Variants in LAMA5 observed in about 807,000 individuals in gnomAD.
The protein encoded by LAMA5 is laminin subunit alpha 5.
LAMA5 carries 260 observed loss-of-function variants against 433.4 expected under a neutral mutation model. That is an observed-to-expected ratio of 0.60 (90% CI 0.54 to 0.66). The LOEUF is 0.66. Among genes scored for constraint, LAMA5 ranks in the 30% least tolerant of loss-of-function variants. LAMA5 has a pLI of 0.00. For synonymous variants in LAMA5, 2,620 were observed against 2,226.6 expected (o/e 1.18, Z -4.97); for missense variants, 5,378 against 5,258.5 (o/e 1.02, Z -0.70).
rs139651789 is a variant in LAMA5, at chr20:62,311,465, G to A, written c.9878C>T (p.Ala3293Val). The A allele has an allele frequency of 6.7e-5, 107 of 1,607,744 alleles. No homozygotes were observed. The African/African-American group carries it at 1.3e-3, about 20-fold the overall frequency. Residue 3293 changes from alanine (A) to valine (V), a missense_variant, in exon 72 of 80, where the codon GCA (alanine) becomes GTA (valine). Ala to Val is a moderately conservative substitution (Grantham distance 64). Transcript: ENST00000252999. ...CGGGGTCTGGGCTTGCAGGGCGGGT[G>A]CACAGCCCGTGCTCACATTGACGCT... ...LGSVNVSTGC[A>V]PALQAQTPGL...
In LAMA5 at chr20:62,312,416, C is replaced by T; in HGVS notation, c.9344G>A (p.Cys3115Tyr). The change falls in exon 68 of 80, where the codon TGC (cysteine) becomes TAC (tyrosine). Residue 3115 changes from cysteine (C) to tyrosine (Y), a missense_variant. Cys to Tyr is a radical substitution (Grantham distance 194, BLOSUM62 -2). Transcript: ENST00000252999. ...GCTGCTCACCAGCAGGTCGGCGGTG[C>T]AGCCGGCGCTCACGCCTGTCGTGTT... Reference protein sequence around the residue: ...RLNTTGVSAGCTADLLVGRAM... With the variant: ...RLNTTGVSAGYTADLLVGRAM... 6.3e-7 allele frequency: 1 copy of T among 1,597,876 alleles called. No individual in the cohort carries two copies. Among genetic ancestry groups the T allele is most frequent in the Non-Finnish European group, 8.5e-7 (1 of 1,179,340 alleles).
At chr20:62,351,536 A>C (rs1490506164) in intron 6 of LAMA5, among the ~76,000 whole-genome samples, 168 bp downstream of exon 6, 1 of 143,466 alleles carries the variant, frequency 7.0e-6, no homozygotes. Flanking sequence ...ACAGATGAGG[A>C]AACTGAGGCA....
intron 2 of LAMA5, among the ~76,000 whole-genome samples, chr20:62,355,101 C>T (rs1189678550): frequency 1.3e-5 from 2 of 152,176 alleles, no homozygotes; most frequent in Non-Finnish European, 2.9e-5. Context: ...TCTTTGTGGG[C>T]GGCAGTGGGG....
At position 62,312,986 on chromosome 20, in the gene LAMA5, G is replaced by A; in HGVS notation, c.8980C>T (p.Gln2994Ter). Residue 2994 changes from glutamine (Q) to a stop codon, truncating the protein, a stop_gained, in exon 66 of 80, where the codon CAA becomes TAA. Transcript: ENST00000252999. LOFTEE classifies it high-confidence loss of function. ...QQSQFLCLAVQEGSLVLLYDF... is the reference protein window; with the variant it reads ...QQSQFLCLAV ...TACAACAGCACGAGGCTGCCTTCTT[G>A]CACGGCCAAGCACAGGAACTGGCTC... 2 of 1,579,328 alleles carry A rather than the reference G, an allele frequency of 1.3e-6. No individual in the cohort carries two copies. Among genetic ancestry groups the A allele is most frequent in the Non-Finnish European group, 1.7e-6 (2 of 1,160,510 alleles).
chr20:62,328,632 A>G (rs111326624), intron 34 of LAMA5, among the ~76,000 whole-genome samples, 187 bp from the exon 35 acceptor site: 15 of 148,972 alleles, frequency 1.0e-4, no homozygotes, highest in Middle Eastern at 3.2e-3. Context: ...AATCAACATC[A>G]TCGTCAGAGA....
chr20:62,310,206 TAGG>T lies in LAMA5; in HGVS notation c.10703_10705del (p.Pro3568_Tyr3569delinsHis). On this transcript the variant is annotated inframe_deletion, in exon 77 of 80. Transcript: ENST00000252999. ...CTTCTCGGTCACCTGCAACTGCAAG[TAGG>T]GGGGCGTCCGGGCCTGGCCCAAGTG... is the stretch of plus-strand genomic sequence containing the variant. The T allele has an allele frequency of 1.2e-6, 2 of 1,612,490 alleles. No homozygotes were observed. The highest frequency in any genetic ancestry group is 1.7e-6 in the Non-Finnish European group (2 of 1,179,916).
rs1984467205 is a variant in LAMA5, at chr20:62,352,318, A to T, written c.611T>A (p.Leu204Gln). Residue 204 changes from leucine to glutamine, a missense_variant, in exon 4 of 80, where the codon CTG (leucine) becomes CAG (glutamine). Transcript: ENST00000252999. ...CGCGTCGTCCCGTGTGATGCGCTCC[A>T]GCGTCTGTGGCCCGAACCGCTCCAG... ...DCLERFGPQT[L>Q]ERITRDDAAI... The T allele has an allele frequency of 2.5e-6, 4 of 1,599,840 alleles. No homozygotes were observed. The East Asian group carries it at 8.9e-5, about 36-fold the overall frequency.
chr20:62,337,678 C>T lies in LAMA5; in HGVS notation c.2076G>A (p.Arg692=), dbSNP rs1981904704. ...GGGGCCGGCAGCTGCACTGCCCACT[C>T]CGGGGGTCACAGGCTGCGTGCAGGG... is the stretch of plus-strand genomic sequence containing the variant. The part of the protein sequence containing the change: ...EGSLHAACDP[R]SGQCSCRPRV... The change falls in exon 16 of 80, where the codon CGG becomes CGA. Residue 692 remains arginine, a synonymous_variant. Coordinates refer to ENST00000252999, the MANE Select transcript of LAMA5 (RefSeq NM_005560.6). 2 of 1,612,006 alleles carry T rather than the reference C, an allele frequency of 1.2e-6. No individual in the cohort carries two copies. Among genetic ancestry groups the T allele is most frequent in the Non-Finnish European group, 8.5e-7 (1 of 1,179,558 alleles).
chr20:62,349,217 G>C (rs1388086852), intron 6 of LAMA5, among the ~76,000 whole-genome samples: 2 of 135,712 alleles, frequency 1.5e-5, no homozygotes, highest in African/African-American at 5.4e-5. Context: ...CTTGCAGTGA[G>C]CCGAGATCGT....
intron 6 of LAMA5, among the ~76,000 whole-genome samples, chr20:62,350,054 C>T (rs1365645798): frequency 6.6e-6 from 1 of 151,652 alleles, no homozygotes; most frequent in African/African-American, 2.4e-5. Flanking sequence ...GGCTGTGGTT[C>T]CATGAAAGAT....
Position 62,329,958 on chromosome 20 carries a change from C to T in LAMA5, c.3980-42G>A, listed in dbSNP as rs200011971. 1.8e-4 allele frequency: 285 copies of T among 1,597,310 alleles called. 2 individuals are homozygous for T. In the East Asian group the frequency reaches 2.0e-3, roughly 11 times the overall value. ...GGCAGGGTCAGGCCCCCATCTCTAG[C>T]GCCCCCAAGACACCCAGAGGGTTGA... is the stretch of plus-strand genomic sequence containing the variant. On this transcript the variant is annotated intron_variant, in intron 31 of 79. Coordinates refer to ENST00000252999, the MANE Select transcript of LAMA5 (RefSeq NM_005560.6).
Position 62,359,314 on chromosome 20 carries a change from A to G in LAMA5, c.450+3086T>C, listed in dbSNP as rs1043431744. Reference sequence around the variant, plus strand: ...ACACAGGCCAGAGCCAGCCCCACTCACCCTGCCCAGCTCCTTACAACCTGG... The same window carrying G: ...ACACAGGCCAGAGCCAGCCCCACTCGCCCTGCCCAGCTCCTTACAACCTGG... On this transcript the variant is annotated intron_variant, in intron 2 of 79. Transcript: ENST00000252999. This position sits in a 1 kb window ranked among gnomAD's most constrained non-coding sequence, Gnocchi z 4.3. Among the ~76,000 whole-genome samples the G allele has an allele frequency of 1.3e-5, 2 of 151,746 alleles. No homozygotes were observed. Among genetic ancestry groups the G allele is most frequent in the Non-Finnish European group, 2.9e-5 (2 of 67,930 alleles).
Position 62,312,795 on chromosome 20 carries a change from G to T in LAMA5, c.9079-15C>A. 3 of 1,595,012 alleles carry T rather than the reference G, an allele frequency of 1.9e-6. No homozygotes were observed. The highest frequency in any genetic ancestry group is 2.3e-5 in the East Asian group (1 of 43,402). On this transcript the variant is annotated splice_polypyrimidine_tract_variant and intron_variant, in intron 66 of 79. Transcript: ENST00000252999. ...AACACCTGGATCTACAGGACCAGTG[G>T]GGGCTCCAGGGCCAGCTGTGTCCCT...
intron 6 of LAMA5, among the ~76,000 whole-genome samples, chr20:62,351,456 G>A (rs2146306815): frequency 6.6e-6 from 1 of 152,298 alleles, no homozygotes; most frequent in Middle Eastern, 3.4e-3. Flanking sequence ...CTGGCAGTAG[G>A]GCAAGGCCCC....
chr20:62,336,663 AC>A, intron 17 of LAMA5, 70 bp downstream of exon 17: 1 of 1,552,648 alleles, frequency 6.4e-7, no homozygotes, highest in South Asian at 1.1e-5. Flanking sequence ...CCCTGGTCTC[AC>A]CGGACTCGGG....
chr20:62,323,893 G>A (rs1298404882), intron 43 of LAMA5, 37 bp from the exon 44 acceptor site: 1 of 1,564,990 alleles, frequency 6.4e-7, no homozygotes, highest in East Asian at 2.4e-5. Context: ...TAGGCCCCTG[G>A]CAGTGCCCGG....
intron 9 of LAMA5, 37 bp from the exon 10 acceptor site, chr20:62,346,252 C>T (rs1338899730): frequency 1.3e-6 from 2 of 1,594,368 alleles, no homozygotes; most frequent in African/African-American, 2.7e-5. Context: ...CCTGGAGCTA[C>T]CAGGACTCAA....
At chr20:62,334,666 C>T in intron 20 of LAMA5, 45 bp from the exon 21 acceptor site, 1 of 1,492,368 alleles carries the variant, frequency 6.7e-7, no homozygotes, top group Non-Finnish European at 9.0e-7. Context: ...GGCCCCCACC[C>T]AGCCTCAGGG....
Position 62,311,908 on chromosome 20 carries a change from G to A in LAMA5, c.9635+12C>T, listed in dbSNP as rs759156955. 2.8e-5 allele frequency: 45 copies of A among 1,590,002 alleles called. No homozygotes were observed. Among genetic ancestry groups the A allele is most frequent in the East Asian group, 1.8e-4 (8 of 43,412 alleles). The stretch of plus-strand genomic sequence containing the variant: ...CAGACCTTCACGATGAGGGCCCAGC[G>A]GCCAGGCTCACCCCGTGGCATTGCT... On this transcript the variant is annotated intron_variant, in intron 70 of 79. Transcript: ENST00000252999.
Sources: gnomAD v4.1 joint callset for allele counts (sites outside exome capture counted in the v4.1 genomes callset) on GRCh38, gnomAD v4.1.1 for gene constraint, Gnocchi (gnomAD v3.1) non-coding constraint, MANE v1.5 for transcripts, NCBI Gene and HGNC (gene_info 2026-07-23, HGNC 2026-07-21) for gene names.